Variants in DYSF observed in about 807,000 individuals in gnomAD.
The protein encoded by DYSF is dystrophy-associated fer-1-like 1.
In DYSF, 212 loss-of-function variants were observed where a neutral mutation model predicts 274.9. That is an observed-to-expected ratio of 0.77 (90% CI 0.69 to 0.86). DYSF has a LOEUF of 0.86. Ranked by LOEUF, DYSF falls within the 40% of genes least tolerant of loss-of-function variation. DYSF has a pLI of 0.00. For synonymous variants in DYSF, 1,091 were observed against 1,078.7 expected (o/e 1.01, Z -0.22); for missense variants, 2,666 against 2,783.2 (o/e 0.96, Z 0.95).
At chr2:71,683,251 C>T (rs996695818) in intron 55 of DYSF, among the ~76,000 whole-genome samples, 1 of 152,134 alleles carries the variant, frequency 6.6e-6, no homozygotes, top group African/African-American at 2.4e-5. Context: ...TTACTTGGCT[C>T]GGTGCCCATT....
upstream of DYSF, among the ~76,000 whole-genome samples, chr2:71,462,928 G>C (rs2152634857): frequency 1.3e-5 from 2 of 152,272 alleles, 1 homozygote; most frequent in South Asian, 4.1e-4. Context: ...GGAGCAGGCT[G>C]GGGGAAAAAG....
intron 33 of DYSF, among the ~76,000 whole-genome samples, chr2:71,599,537 G>T (rs2152856975): frequency 6.6e-6 from 1 of 152,312 alleles, no homozygotes; most frequent in South Asian, 2.1e-4. Flanking sequence ...GAGGAAATGT[G>T]GGGTTGGGGT....
chr2:71,517,736 C>T (rs1405453023), intron 10 of DYSF, among the ~76,000 whole-genome samples: 4 of 152,056 alleles, frequency 2.6e-5, no homozygotes, highest in Non-Finnish European at 5.9e-5. Flanking sequence ...TTCAGACGTC[C>T]TGAGAATGAT....
At chr2:71,680,967 C>G in intron 53 of DYSF, 34 bp from the exon 54 acceptor site, 1 of 1,596,854 alleles carries the variant, frequency 6.3e-7, no homozygotes, top group Non-Finnish European at 8.6e-7. Context: ...GCAGAGCCTT[C>G]GTGCCCCTAA....
intron 1 of DYSF, among the ~76,000 whole-genome samples, chr2:71,467,189 A>G (rs2081595100): frequency 6.6e-6 from 1 of 152,232 alleles, no homozygotes; most frequent in Non-Finnish European, 1.5e-5. Flanking sequence ...TCACTTTTCT[A>G]AGACTGACAC....
At chr2:71,610,084 TAGC>T (rs1236047743) in intron 36 of DYSF, among the ~76,000 whole-genome samples, 1 of 152,228 alleles carries the variant, frequency 6.6e-6, no homozygotes, top group African/African-American at 2.4e-5. Context: ...GCTGCATTTC[TAGC>T]ACAGACACCA....
intron 1 of DYSF, among the ~76,000 whole-genome samples, chr2:71,467,863 T>C (rs192080842): frequency 4.1e-4 from 62 of 151,188 alleles, no homozygotes; most frequent in Non-Finnish European, 6.8e-4. Flanking sequence ...GAAGGAAGAG[T>C]AGCTGGTGTT....
At chr2:71,571,585 A>G (rs1205097182) in intron 29 of DYSF, among the ~76,000 whole-genome samples, 1 of 139,042 alleles carries the variant, frequency 7.2e-6, no homozygotes, top group African/African-American at 2.8e-5. Flanking sequence ...CACACAGATC[A>G]CACCCAGCAC....
chr2:71,611,115 C>T (rs2093749704), intron 36 of DYSF, 130 bp from the exon 37 acceptor site: 3 of 779,252 alleles, frequency 3.8e-6, no homozygotes, highest in African/African-American at 1.7e-5. Flanking sequence ...TGTTTGTCCA[C>T]TTCTGTCTTT....
intron 32 of DYSF, among the ~76,000 whole-genome samples, chr2:71,596,149 G>T (rs2093402566): frequency 6.6e-6 from 1 of 151,876 alleles, no homozygotes; most frequent in Non-Finnish European, 1.5e-5. Context: ...ATGGGCGGGT[G>T]GGGCACGTGT....
At chr2:71,682,470 G>A (rs2095308253) in intron 54 of DYSF, 60 bp from the exon 55 acceptor site, 1 of 1,612,470 alleles carries the variant, frequency 6.2e-7, no homozygotes, top group Non-Finnish European at 8.5e-7. Flanking sequence ...TGAGAGAAGA[G>A]TTTGGAGAAA....
chr2:71,513,964 A>G (rs1247153438), intron 7 of DYSF, 43 bp downstream of exon 7: 1 of 1,612,122 alleles, frequency 6.2e-7, no homozygotes, highest in East Asian at 2.2e-5. Context: ...CTCTTCAGCC[A>G]TCAGCTGCGG....
At position 71,539,559 on chromosome 2, in the gene DYSF, GCTATTGAAATAGCTCTTACTGTT is replaced by G. The variant is rs527482005; in HGVS notation, c.1576+326_1576+348del. ...CGACTGTGCTCTAGCAGTTTCAAAA[GCTATTGAAATAGCTCTTACTGTT>G]CTATTAAAAAAGCAACTCATCATCA... On this transcript the variant is annotated intron_variant, in intron 17 of 55. Coordinates refer to ENST00000410020, the MANE Select transcript of DYSF (RefSeq NM_001130987.2). Among the ~76,000 whole-genome samples the G allele has an allele frequency of 2.4e-3, 371 of 152,218 alleles. 2 individuals carry two copies. Among genetic ancestry groups the G allele is most frequent in the African/African-American group, 8.5e-3 (352 of 41,542 alleles).
intron 4 of DYSF, among the ~76,000 whole-genome samples, chr2:71,504,548 C>T (rs2152718212): frequency 6.6e-6 from 1 of 152,316 alleles, no homozygotes; most frequent in African/African-American, 2.4e-5. Context: ...AGTTCTGGAA[C>T]TACCCCTTCA....
At chr2:71,541,508 A>AG (rs1215237289) in intron 17 of DYSF, among the ~76,000 whole-genome samples, 1 of 82,676 alleles carries the variant, frequency 1.2e-5, no homozygotes, top group Non-Finnish European at 3.0e-5. Context: ...TATGTATTTG[A>AG]GTTTTTTTTT....
chr2:71,572,037 A>C (rs928527996), intron 29 of DYSF, among the ~76,000 whole-genome samples: 1 of 123,884 alleles, frequency 8.1e-6, no homozygotes, highest in Non-Finnish European at 1.7e-5. Context: ...TACACCTAGC[A>C]CACCCACAGA....
chr2:71,529,131 G>T lies in DYSF; in HGVS notation c.1380+730G>T, dbSNP rs148160670. ...GGGAGTCATTTTCTCTGCACAAACT[G>T]CCCCATATCCAAAAGCCTCTGTCTT... On this transcript the variant is annotated intron_variant, in intron 14 of 55. Transcript: ENST00000410020. Among the ~76,000 whole-genome samples, 279 of 152,264 alleles carry T rather than the reference G, an allele frequency of 1.8e-3. 2 individuals are homozygous for T. The highest frequency in any genetic ancestry group is 6.3e-3 in the African/African-American group (262 of 41,534).
At chr2:71,677,717 C>T (rs1267090131) in intron 52 of DYSF, among the ~76,000 whole-genome samples, 1 of 152,042 alleles carries the variant, frequency 6.6e-6, no homozygotes, top group Non-Finnish European at 1.5e-5. Context: ...GGAGAAATTG[C>T]TGGTGTGCTG....
At position 71,598,744 on chromosome 2, in the gene DYSF, A is replaced by G. The variant is rs771573637; in HGVS notation, c.3755A>G (p.Tyr1252Cys). ...IVVELYDHDTYGADEFMGRCI... is the reference protein window; with the variant it reads ...IVVELYDHDTCGADEFMGRCI... ...GTGGAGCTGTACGACCATGACACTT[A>G]TGTGAGTCTGCCCAGCTCCTGCCTC... Residue 1252 changes from tyrosine (Y) to cysteine (C), a missense_variant and splice_region_variant, in exon 33 of 56, where the codon TAT becomes TGT. Physicochemically the swap from Tyr to Cys is radical, Grantham distance 194. Around this residue, in one of 3 missense-constraint regions of DYSF, gnomAD observed 1,460 missense variants for 1,502.1 expected, o/e 0.97. Coordinates refer to ENST00000410020, the MANE Select transcript of DYSF (RefSeq NM_001130987.2). The G allele has an allele frequency of 3.1e-6, 5 of 1,611,898 alleles. No individual in the cohort carries two copies. The highest frequency in any genetic ancestry group is 4.5e-5 in the East Asian group (2 of 44,874).
Sources: allele counts gnomAD v4.1 joint callset (sites outside exome capture counted in the v4.1 genomes callset), GRCh38; gene constraint gnomAD v4.1.1; regional missense constraint gnomAD v4.1.1; transcripts MANE v1.5; gene names NCBI Gene and HGNC (gene_info 2026-07-23, HGNC 2026-07-21).